The following DNAH3 variants were observed in gnomAD, a reference collection of about 807,000 sequenced individuals.
The protein encoded by DNAH3 is axonemal beta dynein heavy chain 3.
Under a neutral mutation model 432.5 loss-of-function variants are expected in DNAH3, and 332 were observed. That is an observed-to-expected ratio of 0.77 (90% confidence interval 0.70 to 0.84). DNAH3 has a LOEUF of 0.84. Ranked by LOEUF, DNAH3 falls within the 40% of genes least tolerant of loss-of-function variation. The pLI is 0.00. For synonymous variants in DNAH3, 1,956 were observed against 1,900.2 expected, an observed-to-expected ratio of 1.03 and a Z score of -0.76; for missense variants, 4,861 against 5,114.0, an observed-to-expected ratio of 0.95 and a Z score of 1.51.
At chr16:21,025,653 A>T (rs949134040) in intron 38 of DNAH3, among the ~76,000 whole-genome samples, 3 of 151,792 alleles carry the variant, frequency 2.0e-5, no homozygotes, top group African/African-American at 7.3e-5. Flanking sequence ...ATGTCAGTGC[A>T]GTTCTTTTGA....
chr16:21,039,837 A>C lies in DNAH3; in HGVS notation c.4730+15T>G. ...AAAGTCCTTTAGAATGCACTGGAAA[A>C]CCCATGTAACACACCTTCTGGAGTC... is the stretch of plus-strand genomic sequence containing the variant. On this transcript the variant is annotated intron_variant, in intron 33 of 61. Transcript: ENST00000261383. 6.3e-7 allele frequency: 1 copy of C among 1,584,942 alleles called. No homozygotes were observed. The highest frequency in any genetic ancestry group is 8.7e-7 in the Non-Finnish European group (1 of 1,153,768).
intron 57 of DNAH3, 150 bp downstream of exon 57, chr16:20,948,333 C>T: frequency 1.3e-6 from 1 of 794,780 alleles, no homozygotes; most frequent in Admixed American, 2.9e-5. Context: ...CTCTTGCAGG[C>T]TTTTGGGAAT....
chr16:21,090,372 C>CAA (rs113846329), intron 18 of DNAH3, among the ~76,000 whole-genome samples: 2 of 114,408 alleles, frequency 1.7e-5, no homozygotes, highest in African/African-American at 6.2e-5. Flanking sequence ...AGATACATTA[C>CAA]AAAAAAAAAA....
chr16:20,948,384 T>TA, intron 57 of DNAH3, 99 bp downstream of exon 57: 1 of 1,271,864 alleles, frequency 7.9e-7, no homozygotes, highest in East Asian at 2.5e-5. Context: ...AAGCCCAAGG[T>TA]CACCCCTGGG....
At position 20,983,050 on chromosome 16, in the gene DNAH3, C is replaced by T. The variant is rs915579214; in HGVS notation, c.7666-136G>A. The T allele has an allele frequency of 3.3e-4, 208 of 634,696 alleles. 1 individual carries two copies. Among genetic ancestry groups the T allele is most frequent in the Non-Finnish European group, 2.4e-5 (9 of 369,992 alleles). The allele number at this position is 634,696 out of a possible 1,614,324, so 39.3% of individuals were successfully genotyped here. A position where few individuals can be genotyped will look rare whatever the true frequency, so the allele number is the denominator to read the frequency against. The stretch of plus-strand genomic sequence containing the variant: ...GGCCATAATGAGTGCCTGGGAAATG[C>T]GGGCTAATTAGTGGGATATTTTCAC... On this transcript the variant is annotated intron_variant, in intron 48 of 61. Coordinates refer to ENST00000261383, the Ensembl canonical transcript of DNAH3.
chr16:21,144,826 T>A (rs1047361283), intron 3 of DNAH3, among the ~76,000 whole-genome samples: 1 of 151,890 alleles, frequency 6.6e-6, no homozygotes, highest in Non-Finnish European at 1.5e-5. Flanking sequence ...GGAGTAAAAA[T>A]TTCACTCCAG....
rs371723215 is a variant in DNAH3 at position 21,033,992 on chromosome 16, G to A, written c.5179C>T (p.Leu1727Phe). 7.4e-6 allele frequency: 12 copies of A among 1,613,662 alleles called. No homozygotes were observed. In the African/African-American group the frequency reaches 1.5e-4, roughly 20 times the overall value. Residue 1727 changes from leucine (L) to phenylalanine (F), a missense_variant, in exon 36 of 62, where the codon CTC becomes TTC. Physicochemically the swap from Leu to Phe is conservative, Grantham distance 22. Transcript: ENST00000261383. ...GCTTTACCTGCGTGTAAATCGCCGA[G>A]AGCTGCAGCCAACACTTTATAAGCA...
chr16:21,092,355 A>C (rs1399445868), intron 18 of DNAH3, among the ~76,000 whole-genome samples: 3 of 152,182 alleles, frequency 2.0e-5, no homozygotes, highest in African/African-American at 7.2e-5. Flanking sequence ...GAGCAAAGGC[A>C]ATATAATAGA....
At chr16:20,952,050 T>A (rs937317268) in intron 56 of DNAH3, among the ~76,000 whole-genome samples, 1 of 152,072 alleles carries the variant, frequency 6.6e-6, no homozygotes, top group Non-Finnish European at 1.5e-5. Flanking sequence ...GCCAATTTTT[T>A]AATTTTTAGT....
intron 36 of DNAH3, among the ~76,000 whole-genome samples, chr16:21,033,299 T>C (rs1221297895): frequency 2.0e-5 from 3 of 152,224 alleles, no homozygotes; most frequent in Non-Finnish European, 2.9e-5. Flanking sequence ...TATGAAACTA[T>C]AGGTTTGTGT....
At chr16:21,051,974 A>T in intron 28 of DNAH3, 106 bp from the exon 29 acceptor site, 1 of 866,300 alleles carries the variant, frequency 1.2e-6, no homozygotes, top group Non-Finnish European at 1.8e-6. Flanking sequence ...CCCATTCTCC[A>T]AACTATTTTA....
intron 11 of DNAH3, 87 bp from the exon 12 acceptor site, chr16:21,117,426 T>C: frequency 1.4e-6 from 1 of 740,058 alleles, no homozygotes; most frequent in South Asian, 1.6e-5. Context: ...ATGCACTCAT[T>C]TCCAGGGCTG....
chr16:21,149,028 C>T (rs878881848), intron 1 of DNAH3, among the ~76,000 whole-genome samples: 1 of 151,928 alleles, frequency 6.6e-6, no homozygotes, highest in East Asian at 1.9e-4. Context: ...GCCAGGAGTT[C>T]GAGACCAGCC....
chr16:20,988,073 AT>A lies in DNAH3; in HGVS notation c.6602-9del. On this transcript the variant is annotated splice_polypyrimidine_tract_variant and intron_variant, in intron 44 of 61. Coordinates refer to ENST00000261383, the Ensembl canonical transcript of DNAH3. ...GATGGCGAGTGAATCGTCCTGGGGA[AT>A]ACAACACACAAGTGAATCATCCTGG... The A allele has an allele frequency of 1.2e-6, 2 of 1,613,796 alleles. No homozygotes were observed. Among genetic ancestry groups the A allele is most frequent in the Non-Finnish European group, 1.7e-6 (2 of 1,180,000 alleles).
intron 41 of DNAH3, among the ~76,000 whole-genome samples, chr16:21,007,853 C>T (rs115868336): frequency 0.017 from 2,627 of 152,176 alleles, 68 homozygotes; most frequent in African/African-American, 0.06. Flanking sequence ...AAGTCTTTGA[C>T]CTATTTTGAG....
intron 32 of DNAH3, among the ~76,000 whole-genome samples, 161 bp from the exon 33 acceptor site, chr16:21,040,104 C>T (rs1271719818): frequency 6.6e-6 from 1 of 152,154 alleles, no homozygotes; most frequent in East Asian, 1.9e-4. Context: ...GATGGACCAT[C>T]CTCGGTGGGC....
intron 3 of DNAH3, among the ~76,000 whole-genome samples, chr16:21,141,581 A>AC (rs1354843221): frequency 6.6e-6 from 1 of 152,142 alleles, no homozygotes; most frequent in Non-Finnish European, 1.5e-5. Context: ...ATCACTCCGG[A>AC]CCTCAGCTTC....
At chr16:20,942,193 C>T (rs564895044) in intron 58 of DNAH3, among the ~76,000 whole-genome samples, 4 of 152,318 alleles carry the variant, frequency 2.6e-5, no homozygotes, top group African/African-American at 9.6e-5. Context: ...CAATGTCACA[C>T]CCAGGTGAGA....
At chr16:21,057,453 A>G (rs995771788) in intron 27 of DNAH3, among the ~76,000 whole-genome samples, 6 of 152,104 alleles carry the variant, frequency 3.9e-5, no homozygotes, top group Non-Finnish European at 5.9e-5. Context: ...CAATATTATG[A>G]TGTGTTGTGA....
Sources: gnomAD v4.1 joint callset for allele counts (sites outside exome capture counted in the v4.1 genomes callset) on GRCh38, gnomAD v4.1.1 for gene constraint, MANE v1.5 for transcripts, NCBI Gene and HGNC (gene_info 2026-07-23, HGNC 2026-07-21) for gene names.